Variants in LINGO2 observed in about 807,000 individuals in gnomAD.
LINGO2 encodes the protein leucine rich repeat and Ig domain containing 2.
In LINGO2, 14 loss-of-function variants were observed where a neutral mutation model predicts 30.6. The ratio of observed to expected loss-of-function variants is 0.46; its 90% CI spans 0.30 to 0.72. The LOEUF (loss-of-function observed/expected upper bound fraction) is 0.72, where lower values mean the gene tolerates loss of function less well. Among genes scored for constraint, LINGO2 ranks in the 30% least tolerant of loss-of-function variants. LINGO2 has a pLI of 0.07. For synonymous variants in LINGO2, 317 were observed against 288.5 expected (o/e 1.10, Z -1.00); for missense variants, 729 against 751.7 (o/e 0.97, Z 0.35).
chr9:29,030,288 T>TA, the LINGO2 span, among the ~76,000 whole-genome samples: 51,173 of 151,900 alleles, frequency 0.34, 8,857 homozygotes, highest in East Asian at 0.48. Flanking sequence ...TGGCCCCAAT[T>TA]ATGTAATTCA....
At chr9:28,155,666 T>C (rs1055782273) in intron 4 of LINGO2, among the ~76,000 whole-genome samples, 1 of 152,222 alleles carries the variant, frequency 6.6e-6, no homozygotes, top group Non-Finnish European at 1.5e-5. Flanking sequence ...ATAGTTGGTG[T>C]AAGACTAATG....
chr9:27,984,205 C>T (rs2118948652), intron 5 of LINGO2, among the ~76,000 whole-genome samples: 1 of 151,962 alleles, frequency 6.6e-6, no homozygotes, highest in Admixed American at 6.6e-5. Flanking sequence ...GGGTTGTAGT[C>T]ATTTAAGCAC....
chr9:28,590,661 G>A (rs1485015024), intron 1 of LINGO2, among the ~76,000 whole-genome samples: 5 of 152,122 alleles, frequency 3.3e-5, no homozygotes, highest in Admixed American at 6.5e-5. Context: ...GGAAACGACA[G>A]GTGCTGGAGA....
the LINGO2 span, among the ~76,000 whole-genome samples, chr9:28,791,448 A>G: frequency 6.6e-6 from 1 of 152,160 alleles, no homozygotes; most frequent in East Asian, 1.9e-4. Flanking sequence ...TCAAACAATT[A>G]GTAAACGATA....
Position 28,226,642 on chromosome 9 carries a change from G to GGAAAGAAA in LINGO2, c.-87+68558_-87+68565dup, listed in dbSNP as rs397959896. Reference sequence around the variant, plus strand: ...AGGAAAGAAGGAAAGAAGGAAAGAAGGAAAGAAAGAAAGAAAGAAAGAAAG... The same window carrying GGAAAGAAA: ...AGGAAAGAAGGAAAGAAGGAAAGAAGGAAAGAAAGAAAGAAAGAAAGAAAGAAAGAAAG... On this transcript the variant is annotated intron_variant, in intron 4 of 5. Coordinates refer to ENST00000379992, the Ensembl canonical transcript of LINGO2. Among the ~76,000 whole-genome samples the GGAAAGAAA allele has an allele frequency of 1.8e-3, 94 of 53,244 alleles. 1 individual carries two copies. Among genetic ancestry groups the GGAAAGAAA allele is most frequent in the African/African-American group, 5.2e-3 (75 of 14,364 alleles). The allele number at this position is 53,244 out of a possible 152,430, so 34.9% of individuals were successfully genotyped here.
At chr9:27,973,069 G>C (rs1053176589) in intron 5 of LINGO2, among the ~76,000 whole-genome samples, 1 of 152,130 alleles carries the variant, frequency 6.6e-6, no homozygotes, top group Admixed American at 6.6e-5. Context: ...AGTCTATGTT[G>C]TATCACTGGC....
intron 1 of LINGO2, among the ~76,000 whole-genome samples, chr9:28,593,755 G>A (rs1825039910): frequency 6.6e-6 from 1 of 152,040 alleles, no homozygotes; most frequent in African/African-American, 2.4e-5. Context: ...AGGCAGGGTT[G>A]AACCACTGCA....
rs16912811 is a variant in LINGO2 at position 28,391,021 on chromosome 9, G to C, written c.-278-18153C>G. ...CTGATCCAATAATACACGACTCCCA[G>C]ACATGTAAAACCATTAAAACTTAGA... On this transcript the variant is annotated intron_variant, in intron 2 of 5. Coordinates refer to ENST00000379992, the Ensembl canonical transcript of LINGO2. Among the ~76,000 whole-genome samples, 810 of 152,220 alleles carry C rather than the reference G, an allele frequency of 5.3e-3. 27 individuals carry two copies. The East Asian group carries it at 0.093, about 18-fold the overall frequency.
At chr9:28,557,056 C>T (rs1195990772) in intron 1 of LINGO2, among the ~76,000 whole-genome samples, 1 of 151,526 alleles carries the variant, frequency 6.6e-6, no homozygotes, top group Non-Finnish European at 1.5e-5. Context: ...AGAAGAAAAC[C>T]TAGGCATTAC....
chr9:28,573,684 G>C (rs1272584787), intron 1 of LINGO2, among the ~76,000 whole-genome samples: 1 of 152,090 alleles, frequency 6.6e-6, no homozygotes, highest in East Asian at 1.9e-4. Flanking sequence ...GCCAGAAATA[G>C]TCGTGGCAAG....
chr9:28,877,100 GTT>G, the LINGO2 span, among the ~76,000 whole-genome samples: 1 of 141,878 alleles, frequency 7.0e-6, no homozygotes. Context: ...ATGGGGTTGT[GTT>G]TTTTTTTTTT....
the LINGO2 span, among the ~76,000 whole-genome samples, chr9:29,011,818 T>C: frequency 6.6e-6 from 1 of 152,144 alleles, no homozygotes; most frequent in Non-Finnish European, 1.5e-5. Flanking sequence ...TATGAAGTAG[T>C]TCTTCATATA....
At chr9:28,595,711 C>T (rs929002695) in intron 1 of LINGO2, among the ~76,000 whole-genome samples, 3 of 151,996 alleles carry the variant, frequency 2.0e-5, no homozygotes, top group Non-Finnish European at 4.4e-5. Context: ...ACAATTTCAC[C>T]TATAAACTAC....
chr9:28,813,148 T>C, the LINGO2 span, among the ~76,000 whole-genome samples: 1 of 151,784 alleles, frequency 6.6e-6, no homozygotes, highest in African/African-American at 2.4e-5. Context: ...AGGTATTTCT[T>C]CATATGCTGC....
intron 3 of LINGO2, among the ~76,000 whole-genome samples, chr9:28,372,096 T>C (rs1368420973): frequency 2.0e-5 from 3 of 152,164 alleles, no homozygotes; most frequent in African/African-American, 7.2e-5. Flanking sequence ...GATAGATGGA[T>C]GGAGTGAAAA....
At chr9:28,157,654 G>C (rs898271748) in intron 4 of LINGO2, among the ~76,000 whole-genome samples, 3 of 152,018 alleles carry the variant, frequency 2.0e-5, no homozygotes, top group Non-Finnish European at 2.9e-5. Flanking sequence ...TTTATGTTCT[G>C]CTATCCTTAT....
the LINGO2 span, among the ~76,000 whole-genome samples, chr9:28,730,814 T>C: frequency 1.3e-5 from 2 of 152,130 alleles, no homozygotes; most frequent in African/African-American, 4.8e-5. Context: ...TTTTCTATTC[T>C]GAAAAACCTA....
chr9:28,938,551 G>A, the LINGO2 span, among the ~76,000 whole-genome samples: 2 of 151,912 alleles, frequency 1.3e-5, no homozygotes, highest in East Asian at 1.9e-4. Flanking sequence ...ATTTCCTATC[G>A]CCTAGTGACA....
intron 4 of LINGO2, among the ~76,000 whole-genome samples, chr9:28,229,435 G>C (rs926874985): frequency 1.3e-4 from 19 of 151,550 alleles, no homozygotes; most frequent in African/African-American, 4.6e-4. Context: ...GTTAATAGTA[G>C]GAACAAGTAT....
Sources: gnomAD v4.1 joint callset for allele counts (sites outside exome capture counted in the v4.1 genomes callset) on GRCh38, gnomAD v4.1.1 for gene constraint, MANE v1.5 for transcripts, NCBI Gene and HGNC (gene_info 2026-07-23, HGNC 2026-07-21) for gene names.